LUZP2: variants seen among roughly 807,000 people sequenced by gnomAD.
LUZP2 encodes leucine zipper protein 2.
A neutral mutation model predicts 51.6 loss-of-function variants in LUZP2; 52 were observed. The observed-to-expected ratio is 1.01, with a 90% confidence interval of 0.81 to 1.27. The LOEUF is 1.27. Ranked by LOEUF, LUZP2 falls within the 50% of genes most tolerant of loss-of-function variation. The probability of loss-of-function intolerance (pLI) is 0.00; values close to 1 mark genes in which losing one functional copy is unlikely to be tolerated. For missense variants in LUZP2, 436 were observed against 395.4 expected (o/e 1.10, Z -0.87); for synonymous variants, 154 against 137.3 (o/e 1.12, Z -0.85).
At chr11:24,937,632 T>C (rs1238173696) in intron 7 of LUZP2, among the ~76,000 whole-genome samples, 1 of 152,198 alleles carries the variant, frequency 6.6e-6, no homozygotes, top group Non-Finnish European at 1.5e-5. Context: ...CCGGGCGCGG[T>C]GGCTCACGCC....
rs187527807 is a variant in LUZP2, at chr11:25,079,347, T to C, written c.*689T>C. The C allele has an allele frequency of 6.6e-6, 1 of 152,316 alleles. No homozygotes were observed. Among genetic ancestry groups the C allele is most frequent in the East Asian group, 1.9e-4 (1 of 5,182 alleles). The allele number at this position is 152,316 out of a possible 1,614,324, so 9.4% of individuals were successfully genotyped here. On this transcript the variant is annotated 3_prime_UTR_variant, in exon 12 of 12. Transcript: ENST00000336930. ...GCATTCTATAGACACATCTCCTATG[T>C]ATGTCTACTGTAATTAATCCAAGTT...
chr11:24,821,780 G>C (rs191625789), intron 5 of LUZP2, among the ~76,000 whole-genome samples: 46 of 151,866 alleles, frequency 3.0e-4, no homozygotes, highest in African/African-American at 1.1e-3. Flanking sequence ...AGAAAATGAT[G>C]GGAACTGTAG....
chr11:24,782,282 T>C (rs1289646995), intron 5 of LUZP2, among the ~76,000 whole-genome samples: 2 of 151,992 alleles, frequency 1.3e-5, no homozygotes, highest in African/African-American at 4.8e-5. Flanking sequence ...ATGGTCAGAG[T>C]GCAGCTGTGA....
intron 4 of LUZP2, among the ~76,000 whole-genome samples, chr11:24,757,979 A>G (rs1859835957): frequency 6.6e-6 from 1 of 152,126 alleles, no homozygotes; most frequent in African/African-American, 2.4e-5. Context: ...ACTTTTACCT[A>G]ATTTTCAATG....
chr11:24,909,169 T>C (rs1853550886), intron 6 of LUZP2, among the ~76,000 whole-genome samples: 1 of 151,584 alleles, frequency 6.6e-6, no homozygotes, highest in African/African-American at 2.4e-5. Context: ...TATATAATTA[T>C]AGCAAAGCTC....
intron 9 of LUZP2, among the ~76,000 whole-genome samples, chr11:25,039,490 G>A (rs570905008): frequency 6.6e-6 from 1 of 152,152 alleles, no homozygotes; most frequent in Non-Finnish European, 1.5e-5. Context: ...GTTAGCTGGG[G>A]CTAAAGCCTC....
chr11:25,042,998 T>C (rs545435346), intron 9 of LUZP2, among the ~76,000 whole-genome samples: 2 of 152,226 alleles, frequency 1.3e-5, no homozygotes, highest in East Asian at 1.9e-4. Flanking sequence ...GTAGAATTAG[T>C]GTTATTGTAA....
rs1849243949 is a variant in LUZP2, at chr11:24,786,304, T to C, written c.396+22996T>C. 10 of 979,146 alleles carry C rather than the reference T, an allele frequency of 1.0e-5. No homozygotes were observed. The South Asian group carries it at 4.7e-4, about 46-fold the overall frequency. The allele number at this position is 979,146 out of a possible 1,614,324, so 60.7% of individuals were successfully genotyped here. On this transcript the variant is annotated intron_variant, in intron 5 of 11. Transcript: ENST00000336930. ...CAGGAACATAGAAAATAGTATGTTT[T>C]ATTATTTTACCACGGGAAAAAAGTA...
chr11:24,960,712 A>C (rs139808963), intron 7 of LUZP2, among the ~76,000 whole-genome samples: 1,938 of 152,072 alleles, frequency 0.013, 19 homozygotes, highest in Non-Finnish European at 0.018. Flanking sequence ...TGGATTCATT[A>C]ATTTTTTGAA....
In LUZP2 at chr11:25,072,575, A is replaced by G. The variant is rs890415688; in HGVS notation, c.859-4754A>G. On this transcript the variant is annotated intron_variant, in intron 10 of 11. Transcript: ENST00000336930. ...TACTGCAATAGTTTTCGATAAAATT[A>G]TATTTACTCTTTAGATAACATTGGT... 2.6e-4 allele frequency among the ~76,000 whole-genome samples: 40 copies of G among 152,142 alleles called. 1 individual carries two copies. Among genetic ancestry groups the G allele is most frequent in the Admixed American group, 1.5e-3 (23 of 15,248 alleles).
intron 5 of LUZP2, among the ~76,000 whole-genome samples, chr11:24,869,877 T>C (rs1852006653): frequency 6.6e-6 from 1 of 152,160 alleles, no homozygotes; most frequent in Non-Finnish European, 1.5e-5. Context: ...TAGGAATGTT[T>C]ACGCTTAGTG....
At chr11:25,074,378 A>C (rs146284510) in intron 10 of LUZP2, among the ~76,000 whole-genome samples, 140 of 152,312 alleles carry the variant, frequency 9.2e-4, no homozygotes, top group African/African-American at 3.1e-3. Context: ...TGTGACGCAC[A>C]GAAAGAGTAA....
At chr11:24,999,071 T>C (rs1856596481) in intron 9 of LUZP2, among the ~76,000 whole-genome samples, 1 of 152,156 alleles carries the variant, frequency 6.6e-6, no homozygotes, top group African/African-American at 2.4e-5. Flanking sequence ...CACATGGTCA[T>C]TGAGCCCTTA....
At chr11:24,537,572 G>T (rs573238577) in intron 1 of LUZP2, among the ~76,000 whole-genome samples, 22 of 151,842 alleles carry the variant, frequency 1.4e-4, no homozygotes, top group Middle Eastern at 6.8e-3. Context: ...CAAATCAAAG[G>T]TTCTTTTATT....
intron 1 of LUZP2, among the ~76,000 whole-genome samples, chr11:24,645,067 A>T (rs890296023): frequency 6.6e-6 from 1 of 152,148 alleles, no homozygotes; most frequent in Non-Finnish European, 1.5e-5. Flanking sequence ...TTTACATTCC[A>T]ATCCTGTTTA....
chr11:24,838,546 G>T (rs1850927850), intron 5 of LUZP2, among the ~76,000 whole-genome samples: 3 of 151,602 alleles, frequency 2.0e-5, no homozygotes, highest in Admixed American at 2.0e-4. Flanking sequence ...TACGCCGTGG[G>T]AGTAATAACG....
intron 5 of LUZP2, among the ~76,000 whole-genome samples, chr11:24,768,330 G>C (rs2134044926): frequency 6.6e-6 from 1 of 152,156 alleles, no homozygotes; most frequent in African/African-American, 2.4e-5. Context: ...GGCTGGTCTT[G>C]AATTCCTGAC....
intron 1 of LUZP2, among the ~76,000 whole-genome samples, chr11:24,633,860 T>C (rs1565042882): frequency 6.6e-6 from 1 of 151,952 alleles, no homozygotes; most frequent in Non-Finnish European, 1.5e-5. Flanking sequence ...AATTACATTC[T>C]TATGCTTTGT....
chr11:24,954,210 AG>A (rs1855155774), intron 7 of LUZP2, among the ~76,000 whole-genome samples: 1 of 152,024 alleles, frequency 6.6e-6, no homozygotes. Flanking sequence ...TGTTCCTCCA[AG>A]GAAAAAAAAG....
Sources: allele counts gnomAD v4.1 joint callset (sites outside exome capture counted in the v4.1 genomes callset), GRCh38; gene constraint gnomAD v4.1.1; transcripts MANE v1.5; gene names NCBI Gene and HGNC (gene_info 2026-07-23, HGNC 2026-07-21).